POLQ: variants seen among roughly 807,000 people sequenced by gnomAD.
POLQ encodes the protein DNA polymerase theta.
Under a neutral mutation model 259.2 loss-of-function variants are expected in POLQ, and 233 were observed. The observed-to-expected ratio is 0.90, with a 90% CI of 0.81 to 1.00. The LOEUF is 1.00. Among genes scored for constraint, POLQ ranks in the 50% least tolerant of loss-of-function variants. POLQ has a pLI of 0.00. For missense variants in POLQ, 2,871 were observed against 3,051.6 expected, an observed-to-expected ratio of 0.94 and a Z score of 1.39; for synonymous variants, 1,025 against 1,048.8, an observed-to-expected ratio of 0.98 and a Z score of 0.44.
At chr3:121,515,988 AAAAG>A (rs1218286037) in intron 9 of POLQ, among the ~76,000 whole-genome samples, 2 of 152,082 alleles carry the variant, frequency 1.3e-5, no homozygotes, top group Non-Finnish European at 2.9e-5. Context: ...GAAACAATAA[AAAAG>A]AAAGAGAAAT....
At chr3:121,503,267 G>T (rs1350548113) in intron 12 of POLQ, among the ~76,000 whole-genome samples, 1 of 152,196 alleles carries the variant, frequency 6.6e-6, no homozygotes, top group Non-Finnish European at 1.5e-5. Flanking sequence ...TATATCCTAG[G>T]TGTGTAGCAG....
At chr3:121,470,318 G>A (rs977209029) in intron 22 of POLQ, among the ~76,000 whole-genome samples, 1 of 152,084 alleles carries the variant, frequency 6.6e-6, no homozygotes, top group African/African-American at 2.4e-5. Flanking sequence ...TTTCATCACG[G>A]AGGATTTTAT....
intron 20 of POLQ, among the ~76,000 whole-genome samples, chr3:121,474,920 A>C (rs1233803411): frequency 6.6e-6 from 1 of 152,208 alleles, no homozygotes; most frequent in Non-Finnish European, 1.5e-5. Flanking sequence ...CATGGGGTAC[A>C]AGATGATGTT....
rs2047855301 is a variant in POLQ at position 121,468,344 on chromosome 3, G to A, written c.6806C>T (p.Pro2269Leu). The part of the protein sequence containing the change: ...KMPTLVGESP[P>L]SQAVGKGLLP... ...TAGGCCTTTGCCTACAGCTTGAGAA[G>A]GTGGGCTTTCTCCTACTAGTGTTGG... Residue 2269 changes from proline (P) to leucine (L), a missense_variant, in exon 23 of 30, where the codon CCT (proline) becomes CTT (leucine). Physicochemically the swap from Pro to Leu is moderately conservative, Grantham distance 98. This residue lies in a region of POLQ where 2,080 missense variants were observed against 2,126.0 expected (regional missense o/e 0.98). Transcript: ENST00000264233. 2 of 1,612,124 alleles carry A rather than the reference G, an allele frequency of 1.2e-6. No homozygotes were observed. Among genetic ancestry groups the A allele is most frequent in the Admixed American group, 1.7e-5 (1 of 59,982 alleles).
Position 121,432,217 on chromosome 3 carries a change from C to T in POLQ, c.*87G>A, listed in dbSNP as rs2047499302. ...TATCAAGACTTGAAAGTTTGTTTTG[C>T]TGAGGTAGGTGAAAGGGTAATCTCT... On this transcript the variant is annotated 3_prime_UTR_variant, in exon 30 of 30. Coordinates refer to ENST00000264233, the MANE Select transcript of POLQ (RefSeq NM_199420.4). 11 of 1,243,328 alleles carry T rather than the reference C, an allele frequency of 8.8e-6. No individual in the cohort carries two copies. The highest frequency in any genetic ancestry group is 3.0e-5 in the Admixed American group (1 of 33,666). The allele number at this position is 1,243,328 out of a possible 1,614,324, so 77.0% of individuals were successfully genotyped here.
intron 19 of POLQ, among the ~76,000 whole-genome samples, 184 bp downstream of exon 19, chr3:121,481,388 T>C (rs2047968843): frequency 6.6e-6 from 1 of 152,254 alleles, no homozygotes; most frequent in African/African-American, 2.4e-5. Context: ...TGAGTATTTG[T>C]GATAGAGATT....
intron 24 of POLQ, among the ~76,000 whole-genome samples, chr3:121,461,146 G>C (rs1171066649): frequency 7.9e-5 from 12 of 152,124 alleles, no homozygotes; most frequent in Non-Finnish European, 5.9e-5. Flanking sequence ...CTGTGACAAG[G>C]CTGAGGAGAA....
Position 121,545,819 on chromosome 3 carries a change from A to G in POLQ, c.59T>C (p.Phe20Ser). ...ACTGCTGTCACCGCCGCTTCCCGAG[A>G]ACGAATCTGAGCCTGATTCTGAACG... ...RRRSESGSDS[F>S]SGSGGDSSAS... Residue 20 changes from phenylalanine (F) to serine (S), a missense_variant, in exon 1 of 30, where the codon TTC (phenylalanine) becomes TCC (serine). By Grantham distance (155) the Phe-to-Ser change is radical. Around this residue, in one of 3 missense-constraint regions of POLQ, gnomAD observed 783 missense variants for 906.2 expected, o/e 0.86. Coordinates refer to ENST00000264233, the MANE Select transcript of POLQ (RefSeq NM_199420.4). 6.2e-7 allele frequency: 1 copy of G among 1,613,802 alleles called. No homozygotes were observed. Among genetic ancestry groups the G allele is most frequent in the Non-Finnish European group, 8.5e-7 (1 of 1,179,928 alleles).
intron 19 of POLQ, among the ~76,000 whole-genome samples, chr3:121,478,494 A>G (rs2047944487): frequency 6.6e-6 from 1 of 151,954 alleles, no homozygotes; most frequent in African/African-American, 2.4e-5. Context: ...ACAAAGTAAA[A>G]TAGTAGGAAA....
chr3:121,529,532 G>A, intron 7 of POLQ, 113 bp downstream of exon 7: 1 of 953,896 alleles, frequency 1.0e-6, no homozygotes. Context: ...CCACCTAGTG[G>A]GCAGGCAGTG....
intron 16 of POLQ, among the ~76,000 whole-genome samples, chr3:121,485,838 A>G (rs1412152392): frequency 1.3e-5 from 2 of 152,248 alleles, no homozygotes; most frequent in Non-Finnish European, 2.9e-5. Flanking sequence ...CTAAAAGTAC[A>G]TAAAAGTTGT....
chr3:121,494,698 G>A, intron 14 of POLQ: 1 of 1,580,768 alleles, frequency 6.3e-7, no homozygotes, highest in East Asian at 2.2e-5. Context: ...TCCACAGGAA[G>A]ACCTGCACCA....
At chr3:121,482,042 T>C (rs771258726) in intron 18 of POLQ, among the ~76,000 whole-genome samples, 1 of 152,198 alleles carries the variant, frequency 6.6e-6, no homozygotes, top group Non-Finnish European at 1.5e-5. Flanking sequence ...AACTATTCCA[T>C]TCCTACAATG....
chr3:121,544,520 T>G (rs1284785517), intron 2 of POLQ, among the ~76,000 whole-genome samples: 1 of 152,198 alleles, frequency 6.6e-6, no homozygotes, highest in African/African-American at 2.4e-5. Context: ...ATTGTCATTT[T>G]TCTTGCTTCC....
intron 3 of POLQ, 117 bp downstream of exon 3, chr3:121,541,232 G>T: frequency 1.1e-6 from 1 of 903,700 alleles, no homozygotes; most frequent in Non-Finnish European, 1.7e-6. Flanking sequence ...AAGCTACATA[G>T]GGCACAATGA....
chr3:121,539,368 C>A, intron 4 of POLQ, 65 bp downstream of exon 4: 22 of 1,269,968 alleles, frequency 1.7e-5, no homozygotes, highest in Non-Finnish European at 2.4e-5. Context: ...GAAATCACAA[C>A]AGCTCCACTT....
At chr3:121,494,300 C>T (rs1576416622) in intron 14 of POLQ, 4 of 1,595,994 alleles carry the variant, frequency 2.5e-6, no homozygotes, top group African/African-American at 1.3e-5. Context: ...CAGGTTGCAG[C>T]GGCAGAGAGC....
At chr3:121,507,417 G>A (rs1412980877) in intron 12 of POLQ, among the ~76,000 whole-genome samples, 1 of 152,134 alleles carries the variant, frequency 6.6e-6, no homozygotes, top group African/African-American at 2.4e-5. Context: ...GTTTTGTAAT[G>A]TGAAGTTAGA....
At chr3:121,440,597 A>C (rs1364990112) in intron 26 of POLQ, among the ~76,000 whole-genome samples, 1 of 152,138 alleles carries the variant, frequency 6.6e-6, no homozygotes. Flanking sequence ...CCGCCTCCCA[A>C]AGTGCTAGGA....
Sources: allele counts gnomAD v4.1 joint callset (sites outside exome capture counted in the v4.1 genomes callset), GRCh38; gene constraint gnomAD v4.1.1; regional missense constraint gnomAD v4.1.1; transcripts MANE v1.5; gene names NCBI Gene and HGNC (gene_info 2026-07-23, HGNC 2026-07-21).